ATP10B: variants seen among roughly 807,000 people sequenced by gnomAD.
ATP10B encodes the protein phospholipid-transporting ATPase VB.
Under a neutral mutation model 141.2 loss-of-function variants are expected in ATP10B, and 122 were observed. The observed-to-expected ratio is 0.86, with a 90% CI of 0.75 to 1.00. The LOEUF (loss-of-function observed/expected upper bound fraction) is 1.00. Among genes scored for constraint, ATP10B ranks in the 50% least tolerant of loss-of-function variants. The pLI is 0.00. For synonymous variants in ATP10B, 685 were observed against 692.0 expected (o/e 0.99, Z 0.16); for missense variants, 1,876 against 1,825.3 (o/e 1.03, Z -0.51).
chr5:160,721,018 T>C (rs1765960691), intron 2 of ATP10B, among the ~76,000 whole-genome samples: 1 of 152,212 alleles, frequency 6.6e-6, no homozygotes, highest in Non-Finnish European at 1.5e-5. Context: ...GTTGGTGTTG[T>C]CATGAAGTAT....
chr5:160,649,055 C>T lies in ATP10B; in HGVS notation c.761+116G>A, dbSNP rs139822074. 30 of 654,498 alleles carry T rather than the reference C, an allele frequency of 4.6e-5. No individual in the cohort carries two copies. The East Asian group carries it at 8.3e-4, about 18-fold the overall frequency. The allele number at this position is 654,498 out of a possible 1,614,324, so 40.5% of individuals were successfully genotyped here. ...TTCTCTAGTCCCTCTTTATCACACA[C>T]ACACAAATAAAATTCCTCAGGATGA... On this transcript the variant is annotated intron_variant, in intron 8 of 25. Transcript: ENST00000327245.
At chr5:160,886,894 C>T in the ATP10B span, among the ~76,000 whole-genome samples, 2 of 152,154 alleles carry the variant, frequency 1.3e-5, no homozygotes, top group Non-Finnish European at 2.9e-5. Flanking sequence ...GAAATACTTT[C>T]CTTGAAAATG....
the ATP10B span, among the ~76,000 whole-genome samples, chr5:160,921,388 AT>A: frequency 3.9e-5 from 6 of 151,962 alleles, no homozygotes; most frequent in African/African-American, 1.2e-4. Flanking sequence ...CAGTTTAAAC[AT>A]TTTTAAGTGT....
intron 1 of ATP10B, among the ~76,000 whole-genome samples, chr5:160,816,687 G>C (rs1479518803): frequency 6.6e-6 from 1 of 152,124 alleles, no homozygotes; most frequent in East Asian, 1.9e-4. Context: ...AAGCCGGACA[G>C]AGACACAAGA....
chr5:160,655,321 T>G (rs1007274107), intron 7 of ATP10B, among the ~76,000 whole-genome samples: 1 of 151,852 alleles, frequency 6.6e-6, no homozygotes, highest in African/African-American at 2.4e-5. Flanking sequence ...TCTATGAAGC[T>G]CACTCTAATC....
the ATP10B span, among the ~76,000 whole-genome samples, chr5:160,922,471 G>A: frequency 2.6e-5 from 4 of 152,102 alleles, no homozygotes; most frequent in Admixed American, 2.0e-4. Context: ...GGAGGATGTG[G>A]GCAAAAAGGC....
At position 160,686,703 on chromosome 5, in the gene ATP10B, CGTT is replaced by C. The variant is rs541543431; in HGVS notation, c.276-433_276-431del. Among the ~76,000 whole-genome samples the C allele has an allele frequency of 3.5e-3, 535 of 152,220 alleles. 5 individuals carry two copies. Among genetic ancestry groups the C allele is most frequent in the African/African-American group, 0.013 (522 of 41,524 alleles). On this transcript the variant is annotated intron_variant, in intron 5 of 25. Transcript: ENST00000327245. ...TTAAATTCTGTTCCTGTTATTTACT[CGTT>C]GTGTGATTTTTTTGAGCTTATTTCC... is the stretch of plus-strand genomic sequence containing the variant.
intron 2 of ATP10B, among the ~76,000 whole-genome samples, chr5:160,772,247 G>A (rs950086853): frequency 2.0e-5 from 3 of 152,334 alleles, no homozygotes; most frequent in African/African-American, 7.2e-5. Flanking sequence ...TAGTGTATGT[G>A]CAAGGTTTCC....
intron 1 of ATP10B, among the ~76,000 whole-genome samples, chr5:160,803,528 T>C (rs1581562448): frequency 6.6e-6 from 1 of 151,870 alleles, no homozygotes; most frequent in African/African-American, 2.4e-5. Context: ...ATACAAAAAT[T>C]AGCCGGGCGT....
chr5:160,879,552 A>C, the ATP10B span, among the ~76,000 whole-genome samples: 3 of 151,266 alleles, frequency 2.0e-5, no homozygotes, highest in African/African-American at 7.3e-5. Context: ...AAAAAAAAAA[A>C]ACCACGGCCA....
At chr5:160,855,557 A>T (rs987032292), upstream of ATP10B, among the ~76,000 whole-genome samples, 1 of 151,574 alleles carries the variant, frequency 6.6e-6, no homozygotes, top group African/African-American at 2.4e-5. Flanking sequence ...TTTTCTTTCA[A>T]TCCATAACTT....
intron 9 of ATP10B, among the ~76,000 whole-genome samples, chr5:160,641,245 G>C (rs1030867491): frequency 6.6e-6 from 1 of 152,176 alleles, no homozygotes; most frequent in African/African-American, 2.4e-5. Flanking sequence ...GTTTTAGGCT[G>C]GGGAACTGTA....
chr5:160,878,129 A>G, the ATP10B span, among the ~76,000 whole-genome samples: 18 of 150,292 alleles, frequency 1.2e-4, no homozygotes, highest in East Asian at 2.0e-3. Context: ...CTGACTTCAA[A>G]CTATACTACA....
At chr5:160,900,928 T>A in the ATP10B span, among the ~76,000 whole-genome samples, 1 of 150,172 alleles carries the variant, frequency 6.7e-6, no homozygotes, top group Admixed American at 6.7e-5. Flanking sequence ...TTTTTTTTTT[T>A]TTTTTTAAGT....
chr5:160,589,585 C>A lies in ATP10B; in HGVS notation c.3750+7G>T. On this transcript the variant is annotated splice_region_variant and intron_variant, in intron 24 of 25. Transcript: ENST00000327245. The stretch of plus-strand genomic sequence containing the variant: ...TTTTGAAGCCAAAGGGGCTCTGGGA[C>A]ACTTACCCATGTCTTCATTTCCATT... 6.2e-7 allele frequency: 1 copy of A among 1,609,724 alleles called. No individual in the cohort carries two copies. The highest frequency in any genetic ancestry group is 8.5e-7 in the Non-Finnish European group (1 of 1,176,480).
chr5:160,748,002 A>G (rs1447183731), intron 2 of ATP10B, among the ~76,000 whole-genome samples: 2 of 150,978 alleles, frequency 1.3e-5, no homozygotes, highest in Non-Finnish European at 3.0e-5. Flanking sequence ...AGAGAAAAAA[A>G]AAAAAAAAAA....
intron 1 of ATP10B, among the ~76,000 whole-genome samples, chr5:160,823,019 TATATATATATATATATAAA>T (rs1774283556): frequency 8.2e-6 from 1 of 122,090 alleles, no homozygotes; most frequent in Non-Finnish European, 1.7e-5. Context: ...TATATATATA[TATATATATATATATATAAA>T]ATAAAGAGTG....
chr5:160,685,174 TTCTTG>T, intron 6 of ATP10B: 1 of 635,506 alleles, frequency 1.6e-6, no homozygotes, highest in Non-Finnish European at 2.8e-6. Flanking sequence ...CACTACTCGC[TTCTTG>T]TCTTCTTTTC....
intron 1 of ATP10B, among the ~76,000 whole-genome samples, chr5:160,789,036 A>C (rs1771379312): frequency 6.6e-6 from 1 of 152,190 alleles, no homozygotes; most frequent in South Asian, 2.1e-4. Flanking sequence ...TTCATGGAGA[A>C]GATAGCATTT....
Sources: gnomAD v4.1 joint callset for allele counts (sites outside exome capture counted in the v4.1 genomes callset) on GRCh38, gnomAD v4.1.1 for gene constraint, MANE v1.5 for transcripts, NCBI Gene and HGNC (gene_info 2026-07-23, HGNC 2026-07-21) for gene names.